The following TET1 variants were observed in gnomAD, a reference collection of about 807,000 sequenced individuals.
TET1 encodes the protein methylcytosine dioxygenase TET1.
TET1 carries 13 observed loss-of-function variants against 148.7 expected under a neutral mutation model. That is an observed-to-expected ratio of 0.09 (90% confidence interval 0.06 to 0.14). The LOEUF is 0.14. Ranked by LOEUF, TET1 falls within the 10% of genes least tolerant of loss-of-function variation. The pLI is 1.00. For missense variants in TET1, 2,182 were observed against 2,553.8 expected (o/e 0.85, Z 3.14); for synonymous variants, 907 against 937.2 (o/e 0.97, Z 0.59).
chr10:68,590,325 T>C (rs1406582176), intron 2 of TET1, among the ~76,000 whole-genome samples: 2 of 150,878 alleles, frequency 1.3e-5, no homozygotes, highest in Non-Finnish European at 3.0e-5. Context: ...TAGAGATGGG[T>C]CTCATTATGT....
In TET1 at chr10:68,691,746, G is replaced by A; in HGVS notation, c.6343G>A (p.Asp2115Asn). The A allele has an allele frequency of 1.9e-6, 3 of 1,614,032 alleles. No individual in the cohort carries two copies. Among genetic ancestry groups the A allele is most frequent in the South Asian group, 1.1e-5 (1 of 91,076 alleles). ...TCATAAAGCATTAACATTAACCCAT[G>A]ACAATGTTGTCACCGTGTCCCCTTA... ...PSHKALTLTH[D>N]NVVTVSPYAL... Residue 2115 changes from aspartate (D) to asparagine (N), a missense_variant, in exon 12 of 12, where the codon GAC becomes AAC. Asp to Asn is a conservative substitution (Grantham distance 23). This residue lies in a region of TET1 where 20 missense variants were observed against 42.3 expected (regional missense o/e 0.47). Coordinates refer to ENST00000373644, the MANE Select transcript of TET1 (RefSeq NM_030625.3). The surrounding 1 kb of genome is among the most constrained non-coding windows in gnomAD (Gnocchi z 4.4).
chr10:68,645,180 G>T lies in TET1; in HGVS notation c.2451G>T (p.Lys817Asn). The change falls in exon 4 of 12, where the codon AAG becomes AAT. Residue 817 changes from lysine to asparagine, a missense_variant. By Grantham distance (94) the Lys-to-Asn change is moderately conservative. Coordinates refer to ENST00000373644, the MANE Select transcript of TET1 (RefSeq NM_030625.3). ...CTGATATGAGTTGTGATCATCTCAAGGGGAGAAGTAACGTTTTAGTATTCC... is the reference window on the plus strand; with the variant it reads ...CTGATATGAGTTGTGATCATCTCAATGGGAGAAGTAACGTTTTAGTATTCC... ...VATDMSCDHL[K>N]GRSNVLVFQQ... 1 of 1,614,134 alleles carries T rather than the reference G, an allele frequency of 6.2e-7. No homozygotes were observed.
At chr10:68,655,101 G>C (rs2055002871) in intron 6 of TET1, among the ~76,000 whole-genome samples, 1 of 152,094 alleles carries the variant, frequency 6.6e-6, no homozygotes, top group African/African-American at 2.4e-5. Flanking sequence ...TACTATGGTG[G>C]CTCCTGTGAA....
chr10:68,626,300 TCTGTTTCCCAGG>T (rs2054481725), intron 3 of TET1, among the ~76,000 whole-genome samples: 2 of 151,876 alleles, frequency 1.3e-5, no homozygotes, highest in African/African-American at 4.8e-5. Context: ...AAGGTCTCAT[TCTGTTTCCCAGG>T]CTGGAGTAAG....
intron 1 of TET1, among the ~76,000 whole-genome samples, chr10:68,569,642 G>A (rs969172187): frequency 6.6e-6 from 1 of 152,076 alleles, no homozygotes; most frequent in African/African-American, 2.4e-5. Flanking sequence ...TAATGGCTAG[G>A]CATGCTGGTT....
chr10:68,574,703 A>G (rs2053708518), intron 2 of TET1, among the ~76,000 whole-genome samples: 1 of 151,698 alleles, frequency 6.6e-6, no homozygotes, highest in South Asian at 2.1e-4. Flanking sequence ...TTTCCTTTTG[A>G]AAGAACACAG....
chr10:68,648,861 C>T (rs1159113021), intron 4 of TET1, among the ~76,000 whole-genome samples: 2 of 152,144 alleles, frequency 1.3e-5, no homozygotes, highest in African/African-American at 4.8e-5. Flanking sequence ...GATCCTCGTG[C>T]CTCAGCTTCC....
chr10:68,607,170 T>G (rs985905503), intron 3 of TET1, among the ~76,000 whole-genome samples: 17 of 143,166 alleles, frequency 1.2e-4, no homozygotes, highest in African/African-American at 4.1e-4. Context: ...ATTCAGGCTA[T>G]TAAAAAAAAA....
chr10:68,664,337 T>G (rs1430827888), intron 6 of TET1, among the ~76,000 whole-genome samples: 1 of 152,114 alleles, frequency 6.6e-6, no homozygotes. Context: ...ATATATAATG[T>G]GTATATATAT....
At chr10:68,616,333 A>G (rs528609458) in intron 3 of TET1, among the ~76,000 whole-genome samples, 2 of 150,404 alleles carry the variant, frequency 1.3e-5, no homozygotes, top group South Asian at 4.2e-4. Context: ...ATTTCCCTCA[A>G]ATTGAGTTTT....
At chr10:68,638,328 A>T (rs1026784019) in intron 3 of TET1, among the ~76,000 whole-genome samples, 1 of 152,218 alleles carries the variant, frequency 6.6e-6, no homozygotes, top group African/African-American at 2.4e-5. Flanking sequence ...TTAGACAAAT[A>T]CTTTGTGGTC....
intron 2 of TET1, among the ~76,000 whole-genome samples, chr10:68,578,908 T>G (rs953586851): frequency 6.6e-6 from 1 of 152,112 alleles, no homozygotes; most frequent in Non-Finnish European, 1.5e-5. Flanking sequence ...TCCCAGCTAC[T>G]TGGGATGCTG....
At position 68,651,886 on chromosome 10, in the gene TET1, C is replaced by G. The variant is rs758732313; in HGVS notation, c.4317C>G (p.His1439Gln). 35 of 1,613,838 alleles carry G rather than the reference C, an allele frequency of 2.2e-5. No individual in the cohort carries two copies. Among genetic ancestry groups the G allele is most frequent in the Non-Finnish European group, 2.8e-5 (33 of 1,179,966 alleles). Residue 1439 changes from histidine (H) to glutamine (Q), a missense_variant, in exon 5 of 12, where the codon CAC becomes CAG. Coordinates refer to ENST00000373644, the MANE Select transcript of TET1 (RefSeq NM_030625.3). ...AAGACAAAGGCCCATATTATACACA[C>G]CTTGGGGCAGGACCAAGTGTTGCTG... ...IQKDKGPYYT[H>Q]LGAGPSVAAV...
chr10:68,626,402 T>C (rs926720121), intron 3 of TET1, among the ~76,000 whole-genome samples: 4 of 152,114 alleles, frequency 2.6e-5, no homozygotes, highest in Non-Finnish European at 4.4e-5. Flanking sequence ...AGCCTCTCTA[T>C]GTTTCCCAGG....
chr10:68,659,354 G>T (rs917721732), intron 6 of TET1, among the ~76,000 whole-genome samples: 2 of 152,120 alleles, frequency 1.3e-5, no homozygotes, highest in Non-Finnish European at 2.9e-5. Flanking sequence ...TGGAGATGAA[G>T]TCTTGCTCTG....
chr10:68,562,021 A>G (rs1021195684), intron 1 of TET1, among the ~76,000 whole-genome samples: 7 of 152,118 alleles, frequency 4.6e-5, no homozygotes, highest in Admixed American at 1.3e-4. Context: ...AACGAGCTGC[A>G]CAATATGTCC....
chr10:68,673,094 A>C, intron 8 of TET1, 49 bp downstream of exon 8: 1 of 1,545,170 alleles, frequency 6.5e-7, no homozygotes, highest in African/African-American at 1.4e-5. Flanking sequence ...TTACACATTG[A>C]ATATGTAAGT....
chr10:68,617,283 C>T (rs1352530377), intron 3 of TET1, among the ~76,000 whole-genome samples: 1 of 151,646 alleles, frequency 6.6e-6, no homozygotes, highest in East Asian at 1.9e-4. Flanking sequence ...CTCGGCCTCC[C>T]AAAGTGCTAG....
chr10:68,575,011 T>G (rs1212129557), intron 2 of TET1, among the ~76,000 whole-genome samples: 1 of 152,232 alleles, frequency 6.6e-6, no homozygotes, highest in Non-Finnish European at 1.5e-5. Flanking sequence ...ATATGATGTT[T>G]TGTGATTTTT....
Sources: gnomAD v4.1 joint callset for allele counts (sites outside exome capture counted in the v4.1 genomes callset) on GRCh38, gnomAD v4.1.1 for gene constraint, gnomAD v4.1.1 regional missense constraint, Gnocchi (gnomAD v3.1) non-coding constraint, MANE v1.5 for transcripts, NCBI Gene and HGNC (gene_info 2026-07-23, HGNC 2026-07-21) for gene names.